The following GFRA2 variants were observed in gnomAD, a reference collection of about 807,000 sequenced individuals.
The protein encoded by GFRA2 is GDNF family receptor alpha-2.
A neutral mutation model predicts 48.3 loss-of-function variants in GFRA2; 17 were observed. The ratio of observed to expected loss-of-function variants is 0.35; its 90% CI spans 0.24 to 0.53. The LOEUF (loss-of-function observed/expected upper bound fraction) is 0.53, where lower values mean the gene tolerates loss of function less well. Among genes scored for constraint, GFRA2 ranks in the 20% least tolerant of loss-of-function variants. The pLI is 0.93. For missense variants in GFRA2, 660 were observed against 637.3 expected (o/e 1.04, Z -0.38); for synonymous variants, 305 against 257.2 (o/e 1.19, Z -1.78).
At chr8:21,717,994 T>C (rs969539230) in intron 4 of GFRA2, among the ~76,000 whole-genome samples, 5 of 152,214 alleles carry the variant, frequency 3.3e-5, no homozygotes, top group Admixed American at 6.5e-5. Context: ...TCAGCAACTC[T>C]TGGCTGTGTG....
chr8:21,708,274 C>T (rs1802849033), intron 4 of GFRA2, among the ~76,000 whole-genome samples: 1 of 152,234 alleles, frequency 6.6e-6, no homozygotes, highest in African/African-American at 2.4e-5. Context: ...GCAGCAGCAG[C>T]ATTTCCAAGC....
At chr8:21,726,071 A>G (rs1184542949) in intron 4 of GFRA2, among the ~76,000 whole-genome samples, 2 of 152,186 alleles carry the variant, frequency 1.3e-5, no homozygotes, top group African/African-American at 2.4e-5. Context: ...CTCTGCCCTC[A>G]AAACAGTGGT....
intron 3 of GFRA2, among the ~76,000 whole-genome samples, chr8:21,758,750 C>T (rs1805717214): frequency 6.6e-6 from 1 of 152,164 alleles, no homozygotes; most frequent in Non-Finnish European, 1.5e-5. Context: ...GTGCAAGACT[C>T]TCAGGGATGG....
At chr8:21,776,552 C>A (rs1306626819) in intron 2 of GFRA2, among the ~76,000 whole-genome samples, 1 of 150,980 alleles carries the variant, frequency 6.6e-6, no homozygotes, top group Non-Finnish European at 1.5e-5. Flanking sequence ...ACTGCTGCAA[C>A]CTCTATCTCC....
intron 3 of GFRA2, among the ~76,000 whole-genome samples, chr8:21,769,699 G>C (rs1157511481): frequency 6.6e-6 from 1 of 152,142 alleles, no homozygotes; most frequent in Non-Finnish European, 1.5e-5. Context: ...GGCCACACAG[G>C]ACACAGAGAC....
intron 4 of GFRA2, among the ~76,000 whole-genome samples, chr8:21,724,783 T>C (rs1399917070): frequency 6.6e-6 from 1 of 152,154 alleles, no homozygotes; most frequent in East Asian, 1.9e-4. Flanking sequence ...GTTAGCTCCC[T>C]TGACACCTCC....
chr8:21,781,020 GGA>G (rs1806958690), intron 2 of GFRA2: 1 of 152,080 alleles, frequency 6.6e-6, no homozygotes, highest in Non-Finnish European at 1.5e-5. Flanking sequence ...CAACACTTAG[GGA>G]GGCCGAGGCG....
intron 2 of GFRA2, 41 bp downstream of exon 2, chr8:21,782,544 G>C: frequency 6.8e-7 from 1 of 1,463,968 alleles, no homozygotes; most frequent in Non-Finnish European, 9.3e-7. Context: ...CTCTGCCTGC[G>C]CCACACCCCC....
intron 1 of GFRA2, among the ~76,000 whole-genome samples, chr8:21,785,233 G>A (rs758235851): frequency 2.6e-5 from 4 of 152,216 alleles, no homozygotes; most frequent in African/African-American, 9.7e-5. Context: ...GAGCCCCACA[G>A]GATGATCCTT....
At chr8:21,737,159 T>C (rs988474054) in intron 4 of GFRA2, among the ~76,000 whole-genome samples, 3 of 152,076 alleles carry the variant, frequency 2.0e-5, no homozygotes, top group African/African-American at 7.2e-5. Context: ...GATCATAGAA[T>C]TAGTTCAAGA....
chr8:21,782,522 G>A (rs1042623209), intron 2 of GFRA2, 63 bp downstream of exon 2: 45 of 1,287,744 alleles, frequency 3.5e-5, no homozygotes, highest in Non-Finnish European at 4.3e-5. Context: ...CCCCTGGCCC[G>A]CCACACGTCC....
At chr8:21,749,239 CA>C (rs1349224127) in intron 4 of GFRA2, among the ~76,000 whole-genome samples, 2,389 of 117,884 alleles carry the variant, frequency 0.02, 26 homozygotes, top group Middle Eastern at 0.05. Context: ...CCTCCCCCTG[CA>C]AAAAAAAAAA....
At chr8:21,780,033 T>G (rs1217448252) in intron 2 of GFRA2, among the ~76,000 whole-genome samples, 1 of 151,226 alleles carries the variant, frequency 6.6e-6, no homozygotes, top group Non-Finnish European at 1.5e-5. Flanking sequence ...TGTTAGATTT[T>G]AAACTGCTCG....
chr8:21,730,366 G>C (rs1804124072), intron 4 of GFRA2, among the ~76,000 whole-genome samples: 1 of 151,572 alleles, frequency 6.6e-6, no homozygotes, highest in Admixed American at 6.6e-5. Flanking sequence ...TAGTGCCATT[G>C]CATTCCAGCC....
intron 3 of GFRA2, among the ~76,000 whole-genome samples, chr8:21,753,869 T>C (rs888863020): frequency 6.6e-6 from 1 of 152,336 alleles, no homozygotes; most frequent in African/African-American, 2.4e-5. Context: ...TCCAGGCTCA[T>C]TTCCCTCCAT....
intron 3 of GFRA2, among the ~76,000 whole-genome samples, chr8:21,756,675 T>TA (rs1805587336): frequency 6.6e-6 from 1 of 152,174 alleles, no homozygotes; most frequent in South Asian, 2.1e-4. Context: ...AAACCTCACC[T>TA]ACCAAGACCC....
intron 3 of GFRA2, among the ~76,000 whole-genome samples, chr8:21,752,517 T>C (rs1263464075): frequency 6.6e-6 from 1 of 152,050 alleles, no homozygotes; most frequent in Non-Finnish European, 1.5e-5. Flanking sequence ...TACCCAGGGC[T>C]CAGTCTCCTT....
chr8:21,787,262 GC>G (rs1184618054), intron 1 of GFRA2, among the ~76,000 whole-genome samples: 14,348 of 138,200 alleles, frequency 0.1, 2,256 homozygotes, highest in African/African-American at 0.32. Flanking sequence ...CTTGGAGGCG[GC>G]GGGGGGGGCA....
At chr8:21,753,503 G>A (rs571617205) in intron 3 of GFRA2, among the ~76,000 whole-genome samples, 4 of 152,158 alleles carry the variant, frequency 2.6e-5, no homozygotes, top group Non-Finnish European at 5.9e-5. Context: ...CCAGCTACAC[G>A]GGAGACTGAG....
Sources: allele counts gnomAD v4.1 joint callset (sites outside exome capture counted in the v4.1 genomes callset), GRCh38; gene constraint gnomAD v4.1.1; transcripts MANE v1.5; gene names NCBI Gene and HGNC (gene_info 2026-07-23, HGNC 2026-07-21).